IGF2BP2: variants seen among roughly 807,000 people sequenced by gnomAD.
IGF2BP2 encodes the protein insulin like growth factor 2 mRNA binding protein 2, also known as insulin-like growth factor 2 mRNA-binding protein 2.
IGF2BP2 carries 17 observed loss-of-function variants against 75.8 expected under a neutral mutation model. The observed-to-expected ratio is 0.22, with a 90% CI of 0.15 to 0.34. The LOEUF (loss-of-function observed/expected upper bound fraction) is 0.34. Ranked by LOEUF, IGF2BP2 falls within the 10% of genes least tolerant of loss-of-function variation. The pLI is 1.00. For missense variants in IGF2BP2, 516 were observed against 772.4 expected (o/e 0.67, Z 3.93); for synonymous variants, 288 against 295.6 (o/e 0.97, Z 0.26).
intron 2 of IGF2BP2, among the ~76,000 whole-genome samples, chr3:185,742,569 A>C (rs967206937): frequency 6.6e-6 from 1 of 152,086 alleles, no homozygotes; most frequent in Non-Finnish European, 1.5e-5. Context: ...AGGTGGGAGG[A>C]TCACTCGAGC....
In IGF2BP2 at chr3:185,653,347, G is replaced by A. The variant is rs147576069; in HGVS notation, c.1387-1179C>T. Among the ~76,000 whole-genome samples the A allele has an allele frequency of 2.5e-3, 385 of 152,072 alleles. 2 individuals carry two copies. Among genetic ancestry groups the A allele is most frequent in the Non-Finnish European group, 4.5e-3 (307 of 67,984 alleles). On this transcript the variant is annotated intron_variant, in intron 12 of 15. Transcript: ENST00000382199. ...TTAAAAGTAAAATGAGGCCAGGCGT[G>A]CAGTGGCTCACACCTGTAATCCCAG...
At chr3:185,742,916 T>C (rs1729762702) in intron 2 of IGF2BP2, among the ~76,000 whole-genome samples, 1 of 152,038 alleles carries the variant, frequency 6.6e-6, no homozygotes, top group Admixed American at 6.5e-5. Flanking sequence ...CTGGCCAATA[T>C]GGTGAAACCC....
rs551883386 is a variant in IGF2BP2, at chr3:185,795,670, C to T, written c.239+27483G>A. On this transcript the variant is annotated intron_variant, in intron 2 of 15. Transcript: ENST00000382199. ...CCAAAGCATGTGGATCACCTGAGGT[C>T]AGGAGTTCGAGACCAGCCTGACCAA... Among the ~76,000 whole-genome samples the T allele has an allele frequency of 1.5e-4, 23 of 152,296 alleles. No homozygotes were observed. The South Asian group carries it at 3.5e-3, about 23-fold the overall frequency.
At chr3:185,725,393 G>C (rs1037896255) in intron 2 of IGF2BP2, among the ~76,000 whole-genome samples, 3 of 152,300 alleles carry the variant, frequency 2.0e-5, no homozygotes, top group Non-Finnish European at 4.4e-5. Flanking sequence ...GACTCAGTAG[G>C]AGAGCACTGA....
chr3:185,718,170 T>C (rs1725935902), intron 2 of IGF2BP2: 1 of 152,222 alleles, frequency 6.6e-6, no homozygotes, highest in South Asian at 2.1e-4. Context: ...AAACACCCAA[T>C]TTGTTTCCCT....
intron 2 of IGF2BP2, among the ~76,000 whole-genome samples, chr3:185,778,302 G>A (rs62289127): frequency 5.0e-3 from 766 of 152,082 alleles, no homozygotes; most frequent in Non-Finnish European, 7.7e-3. Flanking sequence ...ACTTAGACAC[G>A]CCAATTAACC....
chr3:185,643,209 T>C lies in IGF2BP2; in HGVS notation c.*2322A>G, dbSNP rs970311591. On this transcript the variant is annotated 3_prime_UTR_variant, in exon 16 of 16. Coordinates refer to ENST00000382199, the MANE Select transcript of IGF2BP2 (RefSeq NM_006548.6). ...CTGAACCTGCGACGTTCCTGAGGTA[T>C]GCCTGCACTTACTAGTGAGCTTCCC... 1.3e-5 allele frequency among the ~76,000 whole-genome samples: 2 copies of C among 152,232 alleles called. No individual in the cohort carries two copies. The highest frequency in any genetic ancestry group is 2.4e-5 in the African/African-American group (1 of 41,462).
chr3:185,671,313 C>T (rs893210635), intron 10 of IGF2BP2, among the ~76,000 whole-genome samples: 3 of 151,938 alleles, frequency 2.0e-5, no homozygotes, highest in Non-Finnish European at 4.4e-5. Context: ...TTTGGAAGGC[C>T]GAGGCAGGCA....
intron 10 of IGF2BP2, among the ~76,000 whole-genome samples, chr3:185,671,909 C>T (rs1718567224): frequency 6.6e-6 from 1 of 152,128 alleles, no homozygotes; most frequent in East Asian, 1.9e-4. Flanking sequence ...ATCCTGAGCC[C>T]CCAATTTGGT....
At chr3:185,753,118 C>T (rs570481306) in intron 2 of IGF2BP2, among the ~76,000 whole-genome samples, 99 of 152,284 alleles carry the variant, frequency 6.5e-4, no homozygotes, top group African/African-American at 2.2e-3. Context: ...CGCTGTGCTT[C>T]TCAAAGGATT....
chr3:185,706,897 C>T (rs146553826), intron 2 of IGF2BP2, among the ~76,000 whole-genome samples: 79 of 151,940 alleles, frequency 5.2e-4, no homozygotes, highest in Non-Finnish European at 4.4e-4. Context: ...CGCACCACCA[C>T]GCCTGGCTAT....
intron 2 of IGF2BP2, among the ~76,000 whole-genome samples, chr3:185,747,132 A>G (rs1730348613): frequency 6.6e-6 from 1 of 152,222 alleles, no homozygotes; most frequent in Non-Finnish European, 1.5e-5. Flanking sequence ...ACTATGTTTT[A>G]ACTTTCTAGG....
chr3:185,648,726 G>A (rs967473340), intron 14 of IGF2BP2, among the ~76,000 whole-genome samples: 2 of 152,126 alleles, frequency 1.3e-5, no homozygotes, highest in Non-Finnish European at 2.9e-5. Context: ...CAAAGTTAAC[G>A]CTCTGGCACT....
chr3:185,721,462 A>G (rs1379104061), intron 2 of IGF2BP2, among the ~76,000 whole-genome samples: 1 of 152,150 alleles, frequency 6.6e-6, no homozygotes, highest in Non-Finnish European at 1.5e-5. Flanking sequence ...TCGGCCTCCC[A>G]AAGTGCTGGG....
At chr3:185,821,546 TTAGA>T (rs1741378497) in intron 2 of IGF2BP2, among the ~76,000 whole-genome samples, 1 of 152,156 alleles carries the variant, frequency 6.6e-6, no homozygotes, top group South Asian at 2.1e-4. Flanking sequence ...GTTAATAACT[TTAGA>T]TAAACCAGTA....
At chr3:185,766,018 T>C (rs1421059368) in intron 2 of IGF2BP2, among the ~76,000 whole-genome samples, 1 of 152,124 alleles carries the variant, frequency 6.6e-6, no homozygotes, top group Non-Finnish European at 1.5e-5. Context: ...GACTGCCCCA[T>C]CCCTTTTCCA....
Position 185,824,870 on chromosome 3 carries a change from C to T in IGF2BP2, c.91G>A (p.Ala31Thr), listed in dbSNP as rs1315480448. 2 of 1,565,140 alleles carry T rather than the reference C, an allele frequency of 1.3e-6. No individual in the cohort carries two copies. Among genetic ancestry groups the T allele is most frequent in the Admixed American group, 1.8e-5 (1 of 54,548 alleles). ...CCGGACTTCAGCAGGACCTGTCCCG[C>T]CAGGGGCAGCTTCCTGTCCCCAAAG... ...QLFGDRKLPLAGQVLLKSGYA... is the reference protein window; with the variant it reads ...QLFGDRKLPLTGQVLLKSGYA... The change falls in exon 1 of 16, where the codon GCG (alanine) becomes ACG (threonine). Residue 31 changes from alanine to threonine, a missense_variant. Coordinates refer to ENST00000382199, the MANE Select transcript of IGF2BP2 (RefSeq NM_006548.6).
chr3:185,685,705 G>A (rs996295769), intron 7 of IGF2BP2, among the ~76,000 whole-genome samples: 6 of 152,108 alleles, frequency 3.9e-5, no homozygotes, highest in African/African-American at 1.4e-4. Flanking sequence ...CTGGAGTGTG[G>A]TGATGCAATC....
chr3:185,671,704 C>T (rs1043712185), intron 10 of IGF2BP2, among the ~76,000 whole-genome samples: 1 of 152,068 alleles, frequency 6.6e-6, no homozygotes, highest in African/African-American at 2.4e-5. Flanking sequence ...TACAGATAAC[C>T]CAAAAAGCTA....
Sources: gnomAD v4.1 joint callset for allele counts (sites outside exome capture counted in the v4.1 genomes callset) on GRCh38, gnomAD v4.1.1 for gene constraint, MANE v1.5 for transcripts, NCBI Gene and HGNC (gene_info 2026-07-23, HGNC 2026-07-21) for gene names.